TMC5: variants seen among roughly 807,000 people sequenced by gnomAD.
TMC5 encodes transmembrane channel like 5, also known as transmembrane channel-like protein 5.
In TMC5, 86 loss-of-function variants were observed where a neutral mutation model predicts 110.5. The observed-to-expected ratio is 0.78, with a 90% CI of 0.65 to 0.93. The LOEUF is 0.93. Among genes scored for constraint, TMC5 ranks in the 40% least tolerant of loss-of-function variants. The pLI is 0.00. For synonymous variants in TMC5, 455 were observed against 439.5 expected, an observed-to-expected ratio of 1.04 and a Z score of -0.44; for missense variants, 1,144 against 1,222.8, an observed-to-expected ratio of 0.94 and a Z score of 0.96.
intron 2 of TMC5, among the ~76,000 whole-genome samples, chr16:19,433,749 A>T (rs1040464640): frequency 6.6e-6 from 1 of 151,858 alleles, no homozygotes; most frequent in Non-Finnish European, 1.5e-5. Context: ...TCTCAGTTAC[A>T]GTCACTATGT....
chr16:19,480,766 T>C (rs558108766), intron 14 of TMC5, among the ~76,000 whole-genome samples: 13 of 144,990 alleles, frequency 9.0e-5, no homozygotes, highest in African/African-American at 1.3e-4. Flanking sequence ...GAGGGCGACA[T>C]TGCCCTCCAC....
rs1335521522 is a variant in TMC5, at chr16:19,490,483, C to CG, written c.2664dup (p.Pro889AlafsTer50). The CG allele has an allele frequency of 6.2e-7, 1 of 1,614,024 alleles. No individual in the cohort carries two copies. Among genetic ancestry groups the CG allele is most frequent in the Non-Finnish European group, 8.5e-7 (1 of 1,180,030 alleles). On this transcript the variant is annotated frameshift_variant, in exon 18 of 22. Transcript: ENST00000542583. LOFTEE classifies it high-confidence loss of function. ...CAGCTGGATCGACACCCTAAGTACA[C>CG]GGCCTGGCTACCTGTGGGTTGTTTG...
At chr16:19,447,020 TAACAAC>T (rs59897298) in intron 4 of TMC5, among the ~76,000 whole-genome samples, 138 of 151,850 alleles carry the variant, frequency 9.1e-4, no homozygotes, top group African/African-American at 3.2e-3. Flanking sequence ...ACTGAGTTAA[TAACAAC>T]AACAACAACA....
At chr16:19,462,544 C>G (rs539280886) in intron 6 of TMC5, 1 of 702,054 alleles carries the variant, frequency 1.4e-6, no homozygotes, top group East Asian at 2.7e-5. Context: ...GAAGGAAGAG[C>G]AAAGGCACAT....
chr16:19,490,842 A>C (rs1360800736), intron 18 of TMC5, among the ~76,000 whole-genome samples: 5 of 102,058 alleles, frequency 4.9e-5, no homozygotes, highest in Admixed American at 2.7e-4. Context: ...CTTTCCTTTC[A>C]GTTCCGTTCC....
At chr16:19,416,578 T>C (rs1966878197), upstream of TMC5, among the ~76,000 whole-genome samples, 1 of 152,184 alleles carries the variant, frequency 6.6e-6, no homozygotes, top group Non-Finnish European at 1.5e-5. Context: ...GTTCCCACTT[T>C]GTAGGTTAAT....
At chr16:19,467,861 A>G (rs1968229437) in intron 9 of TMC5, among the ~76,000 whole-genome samples, 1 of 152,136 alleles carries the variant, frequency 6.6e-6, no homozygotes, top group Non-Finnish European at 1.5e-5. Flanking sequence ...TCAACATACG[A>G]ATTTTGGGAA....
Position 19,474,123 on chromosome 16 carries a change from A to C in TMC5, c.1939-2A>C. 6.2e-7 allele frequency: 1 copy of C among 1,613,298 alleles called. No individual in the cohort carries two copies. Among genetic ancestry groups the C allele is most frequent in the Non-Finnish European group, 8.5e-7 (1 of 1,179,854 alleles). On this transcript the variant is annotated splice_acceptor_variant, in intron 11 of 21. Transcript: ENST00000542583. LOFTEE classifies it high-confidence loss of function. ...CTCCGTTCTCTCCCCCATCCCCTGC[A>C]GTTCCTGAAGACACACAGTAACCCT...
At chr16:19,412,576 C>T (rs927747045) in intron 1 of TMC5, among the ~76,000 whole-genome samples, 3 of 152,112 alleles carry the variant, frequency 2.0e-5, no homozygotes, top group African/African-American at 7.2e-5. Context: ...TCATGTTGGC[C>T]AGGCTGGTCT....
chr16:19,480,804 CAAA>C (rs34237812), intron 14 of TMC5, among the ~76,000 whole-genome samples: 3,279 of 75,220 alleles, frequency 0.044, 129 homozygotes, highest in African/African-American at 0.12. Context: ...GACTCCATCT[CAAA>C]AAAAAAAAAA....
chr16:19,482,773 A>G (rs1041752028), intron 15 of TMC5, among the ~76,000 whole-genome samples: 5 of 152,204 alleles, frequency 3.3e-5, no homozygotes, highest in Non-Finnish European at 5.9e-5. Context: ...TGCATTGAGA[A>G]TAGCCAACTG....
intron 13 of TMC5, among the ~76,000 whole-genome samples, chr16:19,479,168 A>C (rs1968556030): frequency 6.6e-6 from 1 of 152,152 alleles, no homozygotes; most frequent in Non-Finnish European, 1.5e-5. Context: ...TTTTACGGGG[A>C]GAGATCATGA....
At chr16:19,492,998 G>A (rs1968954453) in intron 19 of TMC5, among the ~76,000 whole-genome samples, 1 of 138,356 alleles carries the variant, frequency 7.2e-6, no homozygotes, top group Non-Finnish European at 1.6e-5. Context: ...TTTCACTCTT[G>A]TTGCCCAGGT....
intron 10 of TMC5, among the ~76,000 whole-genome samples, chr16:19,470,102 G>A (rs1468567607): frequency 3.3e-5 from 5 of 151,418 alleles, no homozygotes; most frequent in African/African-American, 1.2e-4. Context: ...CACTGTGTTA[G>A]CCAGGATGGT....
chr16:19,472,920 T>C (rs1283586711), intron 11 of TMC5, among the ~76,000 whole-genome samples: 5 of 152,054 alleles, frequency 3.3e-5, no homozygotes, highest in African/African-American at 1.2e-4. Context: ...TCAGATAAAT[T>C]CATTGGAATC....
intron 10 of TMC5, among the ~76,000 whole-genome samples, chr16:19,470,721 TAAAAAAAAAAAAAAAA>T (rs60087070): frequency 1.2e-4 from 5 of 41,308 alleles, no homozygotes; most frequent in South Asian, 2.7e-3. Context: ...ACAAACTTAT[TAAAAAAAAAAAAAAAA>T]AAAAAAAAAA....
intron 7 of TMC5, 83 bp from the exon 8 acceptor site, chr16:19,463,693 C>T: frequency 6.7e-7 from 1 of 1,497,744 alleles, no homozygotes; most frequent in Non-Finnish European, 9.1e-7. Flanking sequence ...GACATGGTGG[C>T]TGTTTCTGTT....
intron 5 of TMC5, among the ~76,000 whole-genome samples, chr16:19,457,709 C>CTTTT (rs573979829): frequency 0.022 from 974 of 43,878 alleles, 341 homozygotes; most frequent in South Asian, 0.11. Context: ...AGACTACATT[C>CTTTT]TTTTTTTTTT....
chr16:19,474,372 T>C, intron 12 of TMC5, 96 bp downstream of exon 12: 1 of 1,390,160 alleles, frequency 7.2e-7, no homozygotes, highest in South Asian at 1.4e-5. Context: ...CAAAGTTTTT[T>C]CTCCAGAGAG....
Sources: allele counts gnomAD v4.1 joint callset (sites outside exome capture counted in the v4.1 genomes callset), GRCh38; gene constraint gnomAD v4.1.1; transcripts MANE v1.5; gene names NCBI Gene and HGNC (gene_info 2026-07-23, HGNC 2026-07-21).